MROH7: variants seen among roughly 807,000 people sequenced by gnomAD.
MROH7 encodes maestro heat-like repeat-containing protein family member 7.
In MROH7, 113 loss-of-function variants were observed where a neutral mutation model predicts 129.2. The ratio of observed to expected loss-of-function variants is 0.87; its 90% CI spans 0.75 to 1.02. The LOEUF (loss-of-function observed/expected upper bound fraction) is 1.02, where lower values mean the gene tolerates loss of function less well. MROH7 is among the 50% of genes least tolerant of loss of function. The probability of loss-of-function intolerance (pLI) is 0.00; values close to 1 mark genes in which losing one functional copy is unlikely to be tolerated. For missense variants in MROH7, 1,601 were observed against 1,671.3 expected (o/e 0.96, Z 0.73); for synonymous variants, 655 against 667.9 (o/e 0.98, Z 0.30).
In MROH7 at chr1:54,666,351, A is replaced by G. The variant is rs1203611024; in HGVS notation, c.1305+1111A>G. Reference sequence around the variant, plus strand: ...CCAATGAGGGCTCAGAAACTTATATACCATTTTGAGGTTACAGAAAAAATG... The same window carrying G: ...CCAATGAGGGCTCAGAAACTTATATGCCATTTTGAGGTTACAGAAAAAATG... On this transcript the variant is annotated intron_variant, in intron 4 of 23. Coordinates refer to ENST00000421030, the MANE Select transcript of MROH7 (RefSeq NM_001039464.4). Among the ~76,000 whole-genome samples, 4 of 150,538 alleles carry G rather than the reference A, an allele frequency of 2.7e-5. No individual in the cohort carries two copies. The Admixed American group carries it at 2.7e-4, about 10-fold the overall frequency.
intron 12 of MROH7, 77 bp downstream of exon 12, chr1:54,679,516 C>T (rs991720192): frequency 2.6e-4 from 382 of 1,487,416 alleles, no homozygotes; most frequent in Non-Finnish European, 3.3e-4. Context: ...CATCACTGGC[C>T]GGCCAGACAG....
chr1:54,655,035 G>A (rs1313058347), intron 3 of MROH7, among the ~76,000 whole-genome samples: 3 of 136,960 alleles, frequency 2.2e-5, no homozygotes, highest in African/African-American at 8.2e-5. Context: ...TTTTTTTTGA[G>A]TGGGAGTCTC....
intron 10 of MROH7, among the ~76,000 whole-genome samples, chr1:54,676,216 T>C (rs1286786321): frequency 6.6e-6 from 1 of 152,174 alleles, no homozygotes; most frequent in African/African-American, 2.4e-5. Flanking sequence ...TTTCTTTTTT[T>C]AGCAGGCAAG....
chr1:54,656,761 A>G (rs943875495), intron 3 of MROH7, among the ~76,000 whole-genome samples: 4 of 152,136 alleles, frequency 2.6e-5, no homozygotes, highest in Non-Finnish European at 4.4e-5. Flanking sequence ...CAGTAAGCCA[A>G]GATCGTGCCA....
At chr1:54,649,242 G>C (rs1644517873) in intron 1 of MROH7, among the ~76,000 whole-genome samples, 1 of 152,238 alleles carries the variant, frequency 6.6e-6, no homozygotes, top group African/African-American at 2.4e-5. Context: ...AGGGAGGATG[G>C]CAATTGGTTA....
chr1:54,665,025 GGAAAA>G (rs1175909371), intron 3 of MROH7, 137 bp from the exon 4 acceptor site: 2 of 597,714 alleles, frequency 3.3e-6, no homozygotes, highest in South Asian at 2.1e-5. Flanking sequence ...TCAAAAAAAA[GGAAAA>G]GAAAAGAAAG....
chr1:54,701,417 C>T (rs1296007953), intron 19 of MROH7, 95 bp downstream of exon 19: 42 of 1,160,994 alleles, frequency 3.6e-5, no homozygotes, highest in Non-Finnish European at 4.7e-5. Context: ...CCCATCAGGA[C>T]CTGGGCAGTG....
chr1:54,649,370 G>A (rs878927894), intron 1 of MROH7, among the ~76,000 whole-genome samples: 2 of 152,260 alleles, frequency 1.3e-5, no homozygotes, highest in Non-Finnish European at 2.9e-5. Flanking sequence ...TGTCAGCAGG[G>A]AGTAGTGAGC....
At position 54,645,655 on chromosome 1, in the gene MROH7, C is replaced by CTTTTT. The variant is rs60788847; in HGVS notation, c.-110+3698_-110+3702dup. ...TTTCTTTTCTTTTCTTTCTTTCTTT[C>CTTTTT]TTTTTTTTTTTTTTTGAGACAAACT... On this transcript the variant is annotated intron_variant, in intron 1 of 23. Transcript: ENST00000421030. 3.8e-4 allele frequency among the ~76,000 whole-genome samples: 47 copies of CTTTTT among 124,238 alleles called. No homozygotes were observed. In the South Asian group the frequency reaches 7.9e-3, roughly 21 times the overall value. The allele number at this position is 124,238 out of a possible 152,430, so 81.5% of individuals were successfully genotyped here. A position where few individuals can be genotyped will look rare whatever the true frequency, so the allele number is the denominator to read the frequency against.
intron 9 of MROH7, 37 bp downstream of exon 9, chr1:54,673,842 A>T (rs1644940918): frequency 6.3e-7 from 1 of 1,577,288 alleles, no homozygotes; most frequent in Non-Finnish European, 8.7e-7. Context: ...ACTCTTAGGG[A>T]AAATCTTCCC....
Position 54,680,052 on chromosome 1 carries a change from A to G in MROH7, c.2381+7A>G. On this transcript the variant is annotated splice_region_variant and intron_variant, in intron 13 of 23. Coordinates refer to ENST00000421030, the MANE Select transcript of MROH7 (RefSeq NM_001039464.4). ...GCCCCCTCCCACTGAACAGGTACCA[A>G]GTGAAGGGGTTCCCAGCCACTGCAT... 1.2e-6 allele frequency: 2 copies of G among 1,612,088 alleles called. No homozygotes were observed. The highest frequency in any genetic ancestry group is 1.7e-6 in the Non-Finnish European group (2 of 1,178,460).
At chr1:54,678,606 T>TG (rs1449759004) in intron 10 of MROH7, 136 bp from the exon 11 acceptor site, 1 of 623,898 alleles carries the variant, frequency 1.6e-6, no homozygotes, top group Non-Finnish European at 2.9e-6. Context: ...CTTCTTGACT[T>TG]GGGGGCTGGC....
intron 7 of MROH7, 41 bp downstream of exon 7, chr1:54,670,970 A>G: frequency 6.5e-7 from 1 of 1,550,158 alleles, no homozygotes; most frequent in Non-Finnish European, 8.7e-7. Flanking sequence ...GGGCTGGCCC[A>G]TGTTCTGGGA....
At chr1:54,673,066 G>T (rs1644926151) in intron 7 of MROH7, 25 bp from the exon 8 acceptor site, 1 of 1,588,306 alleles carries the variant, frequency 6.3e-7, no homozygotes, top group Non-Finnish European at 8.6e-7. Context: ...GTGCCTTAGT[G>T]GCTTGGTCCT....
chr1:54,653,122 A>G lies in MROH7; in HGVS notation c.196A>G (p.Ser66Gly), dbSNP rs754223717. Reference sequence around the variant, plus strand: ...CGTTCCAGATCTTAATGATTCTTTGAGTCCAGTCTCAGGGGAGGCCTCAGG... The same window carrying G: ...CGTTCCAGATCTTAATGATTCTTTGGGTCCAGTCTCAGGGGAGGCCTCAGG... ...ALVPDLNDSL[S>G]PVSGEASGLV... Residue 66 changes from serine to glycine, a missense_variant, in exon 3 of 24, where the codon AGT (serine) becomes GGT (glycine). Physicochemically the swap from Ser to Gly is moderately conservative, Grantham distance 56. Coordinates refer to ENST00000421030, the MANE Select transcript of MROH7 (RefSeq NM_001039464.4). 1 of 1,614,158 alleles carries G rather than the reference A, an allele frequency of 6.2e-7. No homozygotes were observed. Among genetic ancestry groups the G allele is most frequent in the Non-Finnish European group, 8.5e-7 (1 of 1,180,034 alleles).
At chr1:54,685,873 A>T (rs1645139630) in intron 14 of MROH7, among the ~76,000 whole-genome samples, 1 of 152,160 alleles carries the variant, frequency 6.6e-6, no homozygotes, top group African/African-American at 2.4e-5. Flanking sequence ...TTCAAGTTCC[A>T]GCTCTGCCCC....
chr1:54,650,748 G>A (rs1213620230), intron 1 of MROH7, among the ~76,000 whole-genome samples: 12 of 148,604 alleles, frequency 8.1e-5, no homozygotes, highest in Admixed American at 1.3e-4. Flanking sequence ...TTTTGAGACA[G>A]GGTATCACTT....
chr1:54,657,866 G>A (rs1399745442), intron 3 of MROH7, among the ~76,000 whole-genome samples: 1 of 151,936 alleles, frequency 6.6e-6, no homozygotes, highest in Non-Finnish European at 1.5e-5. Flanking sequence ...TTACCTTGTT[G>A]GCCAGGCTAC....
chr1:54,686,516 C>G, intron 15 of MROH7, 68 bp downstream of exon 15: 1 of 1,450,416 alleles, frequency 6.9e-7, no homozygotes, highest in East Asian at 2.3e-5. Flanking sequence ...GTCAGAGCCT[C>G]CAAAAGTCTC....
Sources: gnomAD v4.1 joint callset for allele counts (sites outside exome capture counted in the v4.1 genomes callset) on GRCh38, gnomAD v4.1.1 for gene constraint, MANE v1.5 for transcripts, NCBI Gene and HGNC (gene_info 2026-07-23, HGNC 2026-07-21) for gene names.